Variants in SWT1 observed in about 807,000 individuals in gnomAD.
The protein encoded by SWT1 is transcriptional protein SWT1.
Under a neutral mutation model 107.3 loss-of-function variants are expected in SWT1, and 33 were observed. The ratio of observed to expected loss-of-function variants is 0.31; its 90% CI spans 0.23 to 0.41. The LOEUF (loss-of-function observed/expected upper bound fraction) is 0.41. SWT1 is among the 10% of genes least tolerant of loss of function. The probability of loss-of-function intolerance (pLI) is 1.00; values close to 1 mark genes in which losing one functional copy is unlikely to be tolerated. For missense variants in SWT1, 898 were observed against 1,028.9 expected (o/e 0.87, Z 1.74); for synonymous variants, 345 against 348.3 (o/e 0.99, Z 0.11).
intron 13 of SWT1, among the ~76,000 whole-genome samples, chr1:185,213,324 C>T (rs2102495522): frequency 6.6e-6 from 1 of 152,254 alleles, no homozygotes; most frequent in Non-Finnish European, 1.5e-5. Context: ...GGAATTTAAA[C>T]TAGTCATTGG....
chr1:185,176,729 A>G, intron 5 of SWT1: 1 of 973,292 alleles, frequency 1.0e-6, no homozygotes, highest in South Asian at 4.8e-5. Context: ...TCACACCTGT[A>G]ATCCCAGCAC....
intron 4 of SWT1, among the ~76,000 whole-genome samples, chr1:185,170,859 A>G (rs979764505): frequency 1.3e-5 from 2 of 152,164 alleles, no homozygotes; most frequent in Non-Finnish European, 2.9e-5. Context: ...ATAATAAAAA[A>G]AGAAAGATGA....
rs1447748374 is a variant in SWT1, at chr1:185,214,598, T to C, written c.2064T>C (p.Asp688=). ...LHAFSTRSNY[D]GILPQTFAQV... ...CTTTCAGTACAAGGTCAAATTATGA[T>C]GGTATTCTTCCACAGACCTTTGCTC... The change falls in exon 14 of 19, where the codon GAT becomes GAC. Residue 688 remains aspartate (D), a synonymous_variant. Coordinates refer to ENST00000367500, the MANE Select transcript of SWT1 (RefSeq NM_017673.7). 6.2e-7 allele frequency: 1 copy of C among 1,612,608 alleles called. No homozygotes were observed. The highest frequency in any genetic ancestry group is 1.3e-5 in the African/African-American group (1 of 74,868).
In SWT1 at chr1:185,157,312, A is replaced by T. The variant is rs1448183968; in HGVS notation, c.-12A>T. 1 of 152,756 alleles carries T rather than the reference A, an allele frequency of 6.5e-6. No homozygotes were observed. Among genetic ancestry groups the T allele is most frequent in the Non-Finnish European group, 1.5e-5 (1 of 68,314 alleles). The allele number at this position is 152,756 out of a possible 1,614,324, so 9.5% of individuals were successfully genotyped here. A position where few individuals can be genotyped will look rare whatever the true frequency, so the allele number is the denominator to read the frequency against. ...AGTTGCCACTGCCGCCGGCGCTGGT[A>T]AGGTAGGAACTGCGGGGTGCGTTGA... On this transcript the variant is annotated splice_region_variant and 5_prime_UTR_variant, in exon 1 of 19. It removes the in-frame stop codon of an upstream open reading frame in the 5' UTR. Coordinates refer to ENST00000367500, the MANE Select transcript of SWT1 (RefSeq NM_017673.7).
chr1:185,252,158 C>A (rs1432939536), intron 16 of SWT1, among the ~76,000 whole-genome samples: 6 of 152,182 alleles, frequency 3.9e-5, no homozygotes, highest in Non-Finnish European at 7.3e-5. Context: ...ATATGTGCCA[C>A]ATTTTCTTAA....
chr1:185,172,198 AC>A (rs1299697621), intron 4 of SWT1, among the ~76,000 whole-genome samples: 2 of 152,142 alleles, frequency 1.3e-5, no homozygotes, highest in African/African-American at 4.8e-5. Flanking sequence ...TTTTTTTCTC[AC>A]TACAAAGTAA....
At chr1:185,205,556 A>G (rs1340263168) in intron 12 of SWT1, among the ~76,000 whole-genome samples, 3 of 152,144 alleles carry the variant, frequency 2.0e-5, no homozygotes, top group Non-Finnish European at 4.4e-5. Context: ...TTTATTAGAG[A>G]CGAGGTTTCA....
chr1:185,157,232 GGTGT>G lies in SWT1; in HGVS notation c.-81_-78del. ...AGCAGGCATACAGTTGGTGGGGCGG[GGTGT>G]GTGTGTGTGTTGGGAGGCGGGGGTC... On this transcript the variant is annotated 5_prime_UTR_variant, in exon 1 of 19. It removes the in-frame stop codon of an upstream open reading frame in the 5' UTR. Coordinates refer to ENST00000367500, the MANE Select transcript of SWT1 (RefSeq NM_017673.7). 1 of 155,372 alleles carries G rather than the reference GGTGT, an allele frequency of 6.4e-6. No homozygotes were observed. Among genetic ancestry groups the G allele is most frequent in the Non-Finnish European group, 1.4e-5 (1 of 69,628 alleles). The allele number at this position is 155,372 out of a possible 1,614,324, so 9.6% of individuals were successfully genotyped here.
chr1:185,176,530 C>G (rs772718814), intron 5 of SWT1: 12 of 967,638 alleles, frequency 1.2e-5, no homozygotes, highest in Non-Finnish European at 1.5e-5. Context: ...CTTTGAGAAC[C>G]TAATCTCTAT....
intron 13 of SWT1, among the ~76,000 whole-genome samples, chr1:185,207,849 C>T (rs12142042): frequency 0.21 from 31,883 of 152,028 alleles, 4,308 homozygotes; most frequent in Non-Finnish European, 0.3. Flanking sequence ...TGCAGTGAGC[C>T]AAGATGGTGC....
intron 10 of SWT1, among the ~76,000 whole-genome samples, chr1:185,198,199 G>A (rs547280925): frequency 1.2e-4 from 19 of 152,090 alleles, no homozygotes; most frequent in Non-Finnish European, 2.2e-4. Context: ...TTATTTACTC[G>A]GTAGTCATTC....
chr1:185,184,613 C>T, intron 8 of SWT1, 130 bp from the exon 9 acceptor site: 1 of 599,726 alleles, frequency 1.7e-6, no homozygotes, highest in Non-Finnish European at 2.8e-6. Flanking sequence ...AATATATTGT[C>T]TCTCAATTTA....
intron 16 of SWT1, among the ~76,000 whole-genome samples, chr1:185,266,090 G>A (rs1451921435): frequency 6.6e-6 from 1 of 151,942 alleles, no homozygotes; most frequent in Non-Finnish European, 1.5e-5. Context: ...CTGAGATGGA[G>A]TCTCGCTCAG....
intron 11 of SWT1, among the ~76,000 whole-genome samples, chr1:185,203,394 CG>C: frequency 6.6e-6 from 1 of 152,116 alleles, no homozygotes; most frequent in East Asian, 1.9e-4. Context: ...GAGGCCGAGG[CG>C]GGTGGATCAC....
chr1:185,267,984 A>G (rs1468307839), intron 16 of SWT1, among the ~76,000 whole-genome samples: 2 of 152,184 alleles, frequency 1.3e-5, no homozygotes, highest in African/African-American at 4.8e-5. Flanking sequence ...CTAGTGAGTA[A>G]AAGTTTGCAA....
At chr1:185,240,090 T>C (rs980512745) in intron 16 of SWT1, among the ~76,000 whole-genome samples, 3 of 152,094 alleles carry the variant, frequency 2.0e-5, no homozygotes, top group Non-Finnish European at 4.4e-5. Flanking sequence ...GTTGTAGATA[T>C]GTTTCTGTTT....
intron 9 of SWT1, among the ~76,000 whole-genome samples, chr1:185,185,560 T>C (rs1656397756): frequency 6.6e-6 from 1 of 152,178 alleles, no homozygotes; most frequent in African/African-American, 2.4e-5. Flanking sequence ...TATTTCATTC[T>C]TTCAGAATTT....
At chr1:185,196,292 C>G (rs1286780180) in intron 10 of SWT1, among the ~76,000 whole-genome samples, 1 of 152,058 alleles carries the variant, frequency 6.6e-6, no homozygotes, top group Non-Finnish European at 1.5e-5. Context: ...TGTCAAAGAT[C>G]ACATGGTTGT....
chr1:185,290,753 G>C lies in SWT1; in HGVS notation c.2653G>C (p.Glu885Gln), dbSNP rs765046464. ...MQQCNASVYM[E>Q]AKNRGWCEDM... The stretch of plus-strand genomic sequence containing the variant: ...GCAGTGCAATGCATCTGTTTATATG[G>C]AGGCCAAAAACAGGGGATGGTGTGA... The change falls in exon 19 of 19, where the codon GAG becomes CAG. Residue 885 changes from glutamate (E) to glutamine (Q), a missense_variant. By Grantham distance (29) the Glu-to-Gln change is conservative. Coordinates refer to ENST00000367500, the MANE Select transcript of SWT1 (RefSeq NM_017673.7). 2 of 1,611,672 alleles carry C rather than the reference G, an allele frequency of 1.2e-6. No homozygotes were observed. The highest frequency in any genetic ancestry group is 1.7e-5 in the Admixed American group (1 of 59,886).
Sources: gnomAD v4.1 joint callset for allele counts (sites outside exome capture counted in the v4.1 genomes callset) on GRCh38, gnomAD v4.1.1 for gene constraint, MANE v1.5 for transcripts, NCBI Gene and HGNC (gene_info 2026-07-23, HGNC 2026-07-21) for gene names.